The following DIP2C variants were observed in gnomAD, a reference collection of about 807,000 sequenced individuals.
DIP2C encodes disco-interacting protein 2 homolog C.
In DIP2C, 33 loss-of-function variants were observed where a neutral mutation model predicts 192.4. The ratio of observed to expected loss-of-function variants is 0.17; its 90% confidence interval spans 0.13 to 0.23. The LOEUF is 0.23. DIP2C is among the 10% of genes least tolerant of loss of function. The pLI is 1.00. For missense variants in DIP2C, 1,537 were observed against 2,110.1 expected (o/e 0.73, Z 5.32); for synonymous variants, 979 against 864.1 (o/e 1.13, Z -2.33).
chr10:356,624 C>T, intron 23 of DIP2C, 118 bp from the exon 24 acceptor site: 1 of 742,636 alleles, frequency 1.3e-6, no homozygotes, highest in Non-Finnish European at 2.2e-6. Context: ...GGTCTTAAAA[C>T]CGCATGCTTC....
intron 1 of DIP2C, among the ~76,000 whole-genome samples, chr10:642,584 C>T (rs181705548): frequency 1.3e-5 from 2 of 152,256 alleles, no homozygotes; most frequent in African/African-American, 4.8e-5. Flanking sequence ...TGCTGTTAGA[C>T]CTTCTGCTCA....
intron 29 of DIP2C, among the ~76,000 whole-genome samples, chr10:337,950 A>G (rs61837317): frequency 7.1e-6 from 1 of 140,746 alleles, no homozygotes; most frequent in Admixed American, 7.1e-5. Flanking sequence ...GGAGGCCTAG[A>G]CAGTCGTGTG....
At chr10:335,034 C>G (rs996754556) in intron 29 of DIP2C, among the ~76,000 whole-genome samples, 1 of 152,184 alleles carries the variant, frequency 6.6e-6, no homozygotes, top group African/African-American at 2.4e-5. Flanking sequence ...GTGGGGAGAA[C>G]TACCATTTTA....
chr10:505,063 C>A (rs1171837701), intron 1 of DIP2C, among the ~76,000 whole-genome samples: 2 of 152,206 alleles, frequency 1.3e-5, no homozygotes, highest in Non-Finnish European at 2.9e-5. Flanking sequence ...TCTGATGGGA[C>A]CTGTGTCCAC....
At chr10:647,571 C>G (rs1175853185) in intron 1 of DIP2C, among the ~76,000 whole-genome samples, 1 of 147,392 alleles carries the variant, frequency 6.8e-6, no homozygotes, top group African/African-American at 2.5e-5. Flanking sequence ...AGTCCACGTC[C>G]ACATTTGACG....
chr10:332,077 G>A (rs1273063272), intron 29 of DIP2C, among the ~76,000 whole-genome samples: 3 of 152,000 alleles, frequency 2.0e-5, no homozygotes, highest in East Asian at 3.9e-4. Flanking sequence ...CACCATGACT[G>A]GGACTAGAGA....
chr10:544,742 T>G (rs1848186946), intron 1 of DIP2C, among the ~76,000 whole-genome samples: 1 of 152,246 alleles, frequency 6.6e-6, no homozygotes, highest in Non-Finnish European at 1.5e-5. Context: ...CTTTGGAGAA[T>G]GTCTATTCAA....
chr10:351,861 CAG>C (rs1250565351), intron 24 of DIP2C, among the ~76,000 whole-genome samples: 1 of 152,298 alleles, frequency 6.6e-6, no homozygotes, highest in East Asian at 1.9e-4. Context: ...GAACATGGGA[CAG>C]AGACACCCAG....
chr10:620,695 C>T (rs962460417), intron 1 of DIP2C, among the ~76,000 whole-genome samples: 15 of 152,152 alleles, frequency 9.9e-5, no homozygotes, highest in Non-Finnish European at 1.8e-4. Context: ...GGAGAATAAA[C>T]AAGGGCCACT....
chr10:686,305 G>A (rs887791820), intron 1 of DIP2C, among the ~76,000 whole-genome samples: 44 of 149,182 alleles, frequency 2.9e-4, no homozygotes, highest in African/African-American at 5.5e-4. Flanking sequence ...GCACCCTCAC[G>A]GCCTCTCCAC....
At chr10:295,404 A>C (rs769350354) in intron 32 of DIP2C, among the ~76,000 whole-genome samples, 1 of 151,532 alleles carries the variant, frequency 6.6e-6, no homozygotes, top group South Asian at 2.1e-4. Flanking sequence ...TATTAAAAAT[A>C]CCAAAAATTA....
At chr10:285,781 G>A (rs1031377817) in intron 34 of DIP2C, among the ~76,000 whole-genome samples, 3 of 152,216 alleles carry the variant, frequency 2.0e-5, no homozygotes, top group Non-Finnish European at 2.9e-5. Flanking sequence ...CAGCCAGGGC[G>A]GGCTCATTCT....
At chr10:590,907 G>A (rs554602135) in intron 1 of DIP2C, among the ~76,000 whole-genome samples, 3 of 151,976 alleles carry the variant, frequency 2.0e-5, no homozygotes, top group Admixed American at 6.5e-5. Context: ...GCTTCATGGC[G>A]TGAGAATTCC....
chr10:520,239 C>CA (rs762431151), intron 1 of DIP2C, among the ~76,000 whole-genome samples: 2 of 152,130 alleles, frequency 1.3e-5, no homozygotes, highest in Non-Finnish European at 2.9e-5. Context: ...AAGCAGCGCT[C>CA]AGCAGGGAGG....
intron 1 of DIP2C, among the ~76,000 whole-genome samples, chr10:575,508 G>A (rs774563823): frequency 4.6e-5 from 7 of 152,174 alleles, no homozygotes; most frequent in African/African-American, 1.2e-4. Context: ...CTTCGACAGC[G>A]AGCTCTGCTG....
chr10:505,323 G>A (rs1396027250), intron 1 of DIP2C, among the ~76,000 whole-genome samples: 2 of 152,184 alleles, frequency 1.3e-5, no homozygotes, highest in African/African-American at 4.8e-5. Context: ...GCAACAAGAC[G>A]CTCTTCAGGA....
intron 4 of DIP2C, among the ~76,000 whole-genome samples, chr10:435,677 C>G (rs1006053279): frequency 8.5e-5 from 13 of 152,188 alleles, no homozygotes; most frequent in Non-Finnish European, 2.9e-5. Flanking sequence ...TCAGTTTGCT[C>G]AGCTTTTCAC....
At chr10:494,315 G>T (rs1036918467) in intron 1 of DIP2C, among the ~76,000 whole-genome samples, 10 of 152,144 alleles carry the variant, frequency 6.6e-5, no homozygotes, top group Non-Finnish European at 1.2e-4. Context: ...AGAGCTCCAT[G>T]GTCACTGTGT....
At chr10:677,868 G>C (rs1032999563) in intron 1 of DIP2C, among the ~76,000 whole-genome samples, 1 of 152,242 alleles carries the variant, frequency 6.6e-6, no homozygotes, top group African/African-American at 2.4e-5. Context: ...GGTGGCCTGA[G>C]ACAGAGCCAG....
Sources: gnomAD v4.1 joint callset for allele counts (sites outside exome capture counted in the v4.1 genomes callset) on GRCh38, gnomAD v4.1.1 for gene constraint, MANE v1.5 for transcripts, NCBI Gene and HGNC (gene_info 2026-07-23, HGNC 2026-07-21) for gene names.